Variants in FCN2 observed in about 807,000 individuals in gnomAD.
FCN2 encodes the protein ficolin-2.
A neutral mutation model predicts 32.5 loss-of-function variants in FCN2; 31 were observed. The observed-to-expected ratio is 0.96, with a 90% CI of 0.72 to 1.29. The LOEUF (loss-of-function observed/expected upper bound fraction) is 1.29. Ranked by LOEUF, FCN2 falls within the 50% of genes most tolerant of loss-of-function variation. The pLI, the probability that FCN2 is intolerant of heterozygous loss-of-function variation, is 0.00. For missense variants in FCN2, 412 were observed against 406.5 expected (o/e 1.01, Z -0.12); for synonymous variants, 181 against 164.5 (o/e 1.10, Z -0.77).
At chr9:134,872,619 G>A in the FCN2 span, among the ~76,000 whole-genome samples, 179 of 152,242 alleles carry the variant, frequency 1.2e-3, 1 homozygote, top group Admixed American at 4.3e-3. Flanking sequence ...ACGTCTCGCC[G>A]GGCAGCAGAC....
In FCN2 at chr9:134,887,182, T is replaced by G. The variant is rs1416177351; in HGVS notation, c.709T>G (p.Phe237Val). The change falls in exon 8 of 8, where the codon TTC (phenylalanine) becomes GTC (valine). Residue 237 changes from phenylalanine (F) to valine (V), a missense_variant. Transcript: ENST00000291744. The part of the protein sequence containing the change: ...VEGSAGDSLT[F>V]HNNQSFSTKD... ...CTCCTGCACAGGAGATTCCCTGACG[T>G]TCCACAACAACCAGTCCTTCTCCAC... 4 of 1,614,150 alleles carry G rather than the reference T, an allele frequency of 2.5e-6. No individual in the cohort carries two copies. Among genetic ancestry groups the G allele is most frequent in the Non-Finnish European group, 3.4e-6 (4 of 1,179,998 alleles).
At chr9:134,873,097 A>G in the FCN2 span, among the ~76,000 whole-genome samples, 1 of 145,836 alleles carries the variant, frequency 6.9e-6, no homozygotes, top group African/African-American at 2.6e-5. Flanking sequence ...ATCCTTTCAC[A>G]TTGTGTGCCT....
chr9:134,881,753 T>C (rs1830667700), intron 1 of FCN2, among the ~76,000 whole-genome samples: 1 of 152,186 alleles, frequency 6.6e-6, no homozygotes, highest in African/African-American at 2.4e-5. Context: ...GGGGATTCGC[T>C]TGGAAACTCC....
At chr9:134,878,980 CAACTA>C (rs1165864050), upstream of FCN2, among the ~76,000 whole-genome samples, 2 of 152,182 alleles carry the variant, frequency 1.3e-5, no homozygotes, top group Middle Eastern at 3.2e-3. Context: ...TTAACTTAGC[CAACTA>C]AACACCTTCA....
intron 3 of FCN2, among the ~76,000 whole-genome samples, chr9:134,884,507 C>T (rs1051745159): frequency 6.6e-6 from 1 of 152,160 alleles, no homozygotes; most frequent in Non-Finnish European, 1.5e-5. Flanking sequence ...GGATGGTGGC[C>T]TCTGCTTCCC....
rs79955924 is a variant in FCN2 at position 134,887,468 on chromosome 9, A to G, written c.*53A>G. 2.0e-6 allele frequency: 3 copies of G among 1,524,086 alleles called. No individual in the cohort carries two copies. Among genetic ancestry groups the G allele is most frequent in the Non-Finnish European group, 2.7e-6 (3 of 1,101,974 alleles). 94.4% of individuals were successfully genotyped at this position (1,524,086 alleles called of 1,614,324 possible). On this transcript the variant is annotated 3_prime_UTR_variant, in exon 8 of 8. Transcript: ENST00000291744. ...CTCCACACATAGTTGGTTGGGGGGT[A>G]GGGTTGGGAGCTTGGCCCTACGGTT... is the stretch of plus-strand genomic sequence containing the variant.
At chr9:134,881,302 G>T (rs1303625205) in intron 1 of FCN2, among the ~76,000 whole-genome samples, 2 of 152,150 alleles carry the variant, frequency 1.3e-5, no homozygotes, top group Non-Finnish European at 2.9e-5. Context: ...AGAGAGACAG[G>T]GTGTGAGGTG....
At chr9:134,883,736 G>T (rs1297607788) in intron 3 of FCN2, among the ~76,000 whole-genome samples, 1 of 149,172 alleles carries the variant, frequency 6.7e-6, no homozygotes, top group African/African-American at 2.5e-5. Flanking sequence ...TGGGCAGGCT[G>T]TGGGGAGGTG....
the FCN2 span, among the ~76,000 whole-genome samples, chr9:134,872,503 G>A: frequency 2.6e-5 from 4 of 152,160 alleles, no homozygotes; most frequent in East Asian, 1.9e-4. Flanking sequence ...CACACTGCTC[G>A]TAAAGATTGG....
rs900232867 is a variant in FCN2, at chr9:134,884,590, G to A, written c.269-150G>A. 112 of 766,384 alleles carry A rather than the reference G, an allele frequency of 1.5e-4. 2 individuals carry two copies. The highest frequency in any genetic ancestry group is 3.4e-5 in the Non-Finnish European group (15 of 442,012). 47.5% of individuals were successfully genotyped at this position (766,384 alleles called of 1,614,324 possible). On this transcript the variant is annotated intron_variant, in intron 3 of 7. Coordinates refer to ENST00000291744, the MANE Select transcript of FCN2 (RefSeq NM_004108.3). The stretch of plus-strand genomic sequence containing the variant: ...ATCCCTCGAGGGAAAGAAAAATTTG[G>A]TCAACAGAACCAGGGTCAGGGACTC...
chr9:134,874,242 T>A, the FCN2 span, among the ~76,000 whole-genome samples: 1 of 152,374 alleles, frequency 6.6e-6, no homozygotes, highest in East Asian at 1.9e-4. Flanking sequence ...TTAATTTTGA[T>A]ACAATCCGTT....
intron 5 of FCN2, 61 bp from the exon 6 acceptor site, chr9:134,885,707 C>T: frequency 6.2e-7 from 1 of 1,610,854 alleles, no homozygotes; most frequent in Non-Finnish European, 8.5e-7. Flanking sequence ...GAGGGCGGGT[C>T]CCCCGTGCTG....
intron 4 of FCN2, 91 bp from the exon 5 acceptor site, chr9:134,885,148 G>C: frequency 6.4e-7 from 1 of 1,550,420 alleles, no homozygotes; most frequent in Non-Finnish European, 8.8e-7. Flanking sequence ...GACGCCTATG[G>C]CCCTGCTTCT....
the FCN2 span, among the ~76,000 whole-genome samples, chr9:134,872,583 G>A: frequency 2.6e-5 from 4 of 152,314 alleles, no homozygotes; most frequent in Non-Finnish European, 4.4e-5. Context: ...CACCATCATC[G>A]CAGAAGGCAA....
At chr9:134,884,428 G>C (rs1421956837) in intron 3 of FCN2, among the ~76,000 whole-genome samples, 1 of 152,162 alleles carries the variant, frequency 6.6e-6, no homozygotes, top group African/African-American at 2.4e-5. Flanking sequence ...TGCAGGCCTT[G>C]GGGCCTCAGG....
chr9:134,868,378 G>C, the FCN2 span: 1 of 176,750 alleles, frequency 5.7e-6, no homozygotes, highest in South Asian at 1.4e-4. This position sits in a 1 kb window ranked among gnomAD's most constrained non-coding sequence, Gnocchi z 4.3. Flanking sequence ...TACCTCGGGG[G>C]GGCCCGTGAC....
chr9:134,882,700 T>G, intron 2 of FCN2, 61 bp downstream of exon 2: 1 of 1,140,910 alleles, frequency 8.8e-7, no homozygotes, highest in Non-Finnish European at 1.3e-6. Context: ...GATGCTGAGT[T>G]GGGCAACACC....
upstream of FCN2, among the ~76,000 whole-genome samples, chr9:134,879,864 T>C (rs1830639433): frequency 1.3e-5 from 2 of 152,166 alleles, no homozygotes; most frequent in East Asian, 1.9e-4. Context: ...GTGGTGGTAG[T>C]GGGAGGTGCA....
rs776457847 is a variant in FCN2 at position 134,885,295 on chromosome 9, A to G, written c.358A>G (p.Thr120Ala). The G allele has an allele frequency of 3.7e-6, 6 of 1,613,990 alleles. No individual in the cohort carries two copies. In the Admixed American group the frequency reaches 1.0e-4, roughly 27 times the overall value. The change falls in exon 5 of 8, where the codon ACC (threonine) becomes GCC (alanine). Residue 120 changes from threonine to alanine, a missense_variant. Thr to Ala is a moderately conservative substitution (Grantham distance 58, BLOSUM62 0). Transcript: ENST00000291744. ...DRGHFLSGWH[T>A]IYLPDCRPLT... ...AGGGCACTTCCTGAGCGGCTGGCAC[A>G]CCATCTACCTGCCCGACTGCCGGCC...
Sources: gnomAD v4.1 joint callset for allele counts (sites outside exome capture counted in the v4.1 genomes callset) on GRCh38, gnomAD v4.1.1 for gene constraint, Gnocchi (gnomAD v3.1) non-coding constraint, MANE v1.5 for transcripts, NCBI Gene and HGNC (gene_info 2026-07-23, HGNC 2026-07-21) for gene names.